Variants in HMG20A observed in about 807,000 individuals in gnomAD.
The protein encoded by HMG20A is high mobility group protein 20A.
Under a neutral mutation model 43.9 loss-of-function variants are expected in HMG20A, and 17 were observed. The observed-to-expected ratio is 0.39, with a 90% CI of 0.27 to 0.58. HMG20A has a LOEUF of 0.58. Among genes scored for constraint, HMG20A ranks in the 20% least tolerant of loss-of-function variants. HMG20A has a pLI of 0.59. For synonymous variants in HMG20A, 132 were observed against 147.5 expected, an observed-to-expected ratio of 0.89 and a Z score of 0.76; for missense variants, 341 against 438.2, an observed-to-expected ratio of 0.78 and a Z score of 1.98.
the HMG20A span, among the ~76,000 whole-genome samples, chr15:77,505,201 G>A: frequency 5.3e-5 from 8 of 152,322 alleles, no homozygotes; most frequent in South Asian, 1.0e-3. Context: ...ATGGCTGCAC[G>A]TCCTGGCCAG....
At chr15:77,446,478 T>C (rs201197349) in intron 1 of HMG20A, among the ~76,000 whole-genome samples, 45 of 152,246 alleles carry the variant, frequency 3.0e-4, no homozygotes, top group African/African-American at 1.1e-3. Context: ...TTTTCTGATA[T>C]ACCCTGCATG....
At chr15:77,482,565 C>G (rs1377080114) in intron 9 of HMG20A, 1 of 152,186 alleles carries the variant, frequency 6.6e-6, no homozygotes, top group Non-Finnish European at 1.5e-5. Context: ...TAATACATCT[C>G]TATACATGCA....
chr15:77,502,130 C>A, the HMG20A span, among the ~76,000 whole-genome samples: 1 of 152,114 alleles, frequency 6.6e-6, no homozygotes, highest in Non-Finnish European at 1.5e-5. Flanking sequence ...ATGAAAATTA[C>A]ATAAAATTCA....
chr15:77,466,402 A>G (rs1475843662), intron 3 of HMG20A, among the ~76,000 whole-genome samples: 1 of 152,182 alleles, frequency 6.6e-6, no homozygotes, highest in African/African-American at 2.4e-5. Flanking sequence ...TTAAAATAAA[A>G]TGTACATCTA....
chr15:77,470,997 A>C lies in HMG20A; in HGVS notation c.538A>C (p.Ser180Arg), dbSNP rs1356460765. ...YQKTEAYKVF[S>R]RKTQDRQKGK... ...GAAAACAGAGGCCTACAAGGTCTTC[A>C]GTAGGAAAACCCAGGACCGTCAGAA... The change falls in exon 5 of 10, where the codon AGT becomes CGT. Residue 180 changes from serine (S) to arginine (R), a missense_variant. Around this residue, in one of 3 missense-constraint regions of HMG20A, gnomAD observed 220 missense variants for 263.6 expected, o/e 0.83. Coordinates refer to ENST00000336216, the MANE Select transcript of HMG20A (RefSeq NM_001304504.2). The C allele has an allele frequency of 1.2e-6, 2 of 1,613,490 alleles. No individual in the cohort carries two copies. Among genetic ancestry groups the C allele is most frequent in the Non-Finnish European group, 1.7e-6 (2 of 1,179,720 alleles).
At chr15:77,436,010 T>C (rs1177062061) in intron 1 of HMG20A, among the ~76,000 whole-genome samples, 1 of 152,204 alleles carries the variant, frequency 6.6e-6, no homozygotes, top group East Asian at 1.9e-4. Context: ...TAAAATACTA[T>C]CTACTATACT....
chr15:77,489,081 A>G (rs2072959388), downstream of HMG20A, among the ~76,000 whole-genome samples: 1 of 152,198 alleles, frequency 6.6e-6, no homozygotes, highest in African/African-American at 2.4e-5. Context: ...TCTGTCCTGT[A>G]GAGTTTTTAT....
the HMG20A span, among the ~76,000 whole-genome samples, chr15:77,503,022 A>C: frequency 6.6e-6 from 1 of 152,148 alleles, no homozygotes; most frequent in African/African-American, 2.4e-5. Context: ...CTCCTTTCTG[A>C]GTGGTTTCAT....
chr15:77,434,777 A>G (rs546683241), intron 1 of HMG20A, among the ~76,000 whole-genome samples: 1 of 152,164 alleles, frequency 6.6e-6, no homozygotes, highest in African/African-American at 2.4e-5. Flanking sequence ...ACTGAAACTC[A>G]TATGTTTCTG....
intron 1 of HMG20A, among the ~76,000 whole-genome samples, chr15:77,432,181 A>G (rs2073491958): frequency 6.6e-6 from 1 of 152,210 alleles, no homozygotes; most frequent in African/African-American, 2.4e-5. Flanking sequence ...AAAGAAAATA[A>G]CTGCCAATCT....
In HMG20A at chr15:77,479,278, C is replaced by A. The variant is rs74784208; in HGVS notation, c.1007C>A (p.Ala336Asp). The change falls in exon 9 of 10, where the codon GCT becomes GAT. Residue 336 changes from alanine to aspartate, a missense_variant. Transcript: ENST00000336216. ...ANPQDNENFI[A>D]TVREVVNRLD... The stretch of plus-strand genomic sequence containing the variant: ...CCCCAAGACAATGAAAACTTCATAG[C>A]TACAGTTCGAGAAGTTGTGAACAGA... 1.9e-6 allele frequency: 3 copies of A among 1,614,098 alleles called. No homozygotes were observed. The highest frequency in any genetic ancestry group is 2.2e-5 in the South Asian group (2 of 91,066).
At chr15:77,447,891 C>CA (rs999577663) in intron 1 of HMG20A, 7 of 152,074 alleles carry the variant, frequency 4.6e-5, no homozygotes, top group African/African-American at 1.7e-4. Context: ...CTTTTGTGGC[C>CA]AAAAAACCCC....
chr15:77,482,244 T>G (rs1163496079), intron 9 of HMG20A: 1 of 152,094 alleles, frequency 6.6e-6, no homozygotes, highest in African/African-American at 2.4e-5. Context: ...CAGATAAAAA[T>G]TGTAATCCAG....
intron 4 of HMG20A, among the ~76,000 whole-genome samples, chr15:77,467,976 G>A (rs1174354395): frequency 6.6e-6 from 1 of 152,208 alleles, no homozygotes; most frequent in Non-Finnish European, 1.5e-5. Flanking sequence ...GCATCTGAAA[G>A]ATATCTGTAT....
the HMG20A span, among the ~76,000 whole-genome samples, chr15:77,506,336 A>T: frequency 6.6e-6 from 1 of 152,030 alleles, no homozygotes; most frequent in Non-Finnish European, 1.5e-5. Context: ...TTTAATGGGC[A>T]GTCCTCCCCT....
chr15:77,500,279 A>G, the HMG20A span, among the ~76,000 whole-genome samples: 1 of 152,342 alleles, frequency 6.6e-6, no homozygotes, highest in African/African-American at 2.4e-5. Context: ...CCACATAGCT[A>G]TTACACCTTG....
the HMG20A span, among the ~76,000 whole-genome samples, chr15:77,501,734 TTCC>T: frequency 6.6e-6 from 1 of 152,218 alleles, no homozygotes. Context: ...CCCCAGACCC[TTCC>T]TCCTTCAGTC....
the HMG20A span, among the ~76,000 whole-genome samples, chr15:77,495,607 G>T: frequency 3.9e-5 from 6 of 152,120 alleles, no homozygotes; most frequent in Non-Finnish European, 5.9e-5. Flanking sequence ...CATCAAGGAA[G>T]AAACCAGCCT....
chr15:77,461,157 G>C (rs997490739), intron 2 of HMG20A, among the ~76,000 whole-genome samples: 1 of 152,096 alleles, frequency 6.6e-6, no homozygotes, highest in African/African-American at 2.4e-5. Flanking sequence ...AGATGCTTCT[G>C]GTACATCAGG....
Sources: gnomAD v4.1 joint callset for allele counts (sites outside exome capture counted in the v4.1 genomes callset) on GRCh38, gnomAD v4.1.1 for gene constraint, gnomAD v4.1.1 regional missense constraint, MANE v1.5 for transcripts, NCBI Gene and HGNC (gene_info 2026-07-23, HGNC 2026-07-21) for gene names.